Variants in UNC80 observed in about 807,000 individuals in gnomAD.
UNC80 encodes the protein protein unc-80 homolog.
In UNC80, 164 loss-of-function variants were observed where a neutral mutation model predicts 384.6. The observed-to-expected ratio is 0.43, with a 90% CI of 0.38 to 0.49. The LOEUF (loss-of-function observed/expected upper bound fraction) is 0.49, where lower values mean the gene tolerates loss of function less well. Among genes scored for constraint, UNC80 ranks in the 20% least tolerant of loss-of-function variants. The probability of loss-of-function intolerance (pLI) is 0.00; values close to 1 mark genes in which losing one functional copy is unlikely to be tolerated. For synonymous variants in UNC80, 1,486 were observed against 1,527.8 expected (o/e 0.97, Z 0.64); for missense variants, 3,330 against 4,143.0 (o/e 0.80, Z 5.39).
intron 44 of UNC80, 130 bp from the exon 45 acceptor site, chr2:209,943,250 A>G: frequency 8.4e-7 from 1 of 1,183,742 alleles, no homozygotes; most frequent in Non-Finnish European, 1.2e-6. Context: ...ATGCCATTTT[A>G]CATTCCTCTC....
chr2:209,808,963 G>A (rs996631523), intron 7 of UNC80: 1 of 309,458 alleles, frequency 3.2e-6, no homozygotes. Flanking sequence ...CATCTGGGAC[G>A]CCTTCCTGGC....
At position 209,815,356 on chromosome 2, in the gene UNC80, C is replaced by A. The variant is rs781388030; in HGVS notation, c.1300C>A (p.Leu434Ile). The A allele has an allele frequency of 1.9e-6, 3 of 1,551,690 alleles. No homozygotes were observed. In the South Asian group the frequency reaches 3.6e-5, roughly 18 times the overall value. The change falls in exon 9 of 65, where the codon CTT (leucine) becomes ATT (isoleucine). Residue 434 changes from leucine (L) to isoleucine (I), a missense_variant. By Grantham distance (5) the Leu-to-Ile change is conservative (BLOSUM62 2). Coordinates refer to ENST00000673920, the MANE Select transcript of UNC80 (RefSeq NM_001371986.1). ...TNLRRSAVPDLSSDLGMNIFK... is the reference protein window; with the variant it reads ...TNLRRSAVPDISSDLGMNIFK... Reference sequence around the variant, plus strand: ...TCTGCGTAGATCTGCAGTCCCAGATCTTTCTTCAGACCTGGGCATGAATAT... The same window carrying A: ...TCTGCGTAGATCTGCAGTCCCAGATATTTCTTCAGACCTGGGCATGAATAT...
chr2:209,959,130 A>T lies in UNC80; in HGVS notation c.7562A>T (p.Gln2521Leu). Residue 2521 changes from glutamine to leucine, a missense_variant, in exon 50 of 65, where the codon CAA becomes CTA. Gln to Leu is a moderately radical substitution (Grantham distance 113). Around this residue, in one of 8 missense-constraint regions of UNC80, gnomAD observed 1,049 missense variants for 1,488.6 expected, o/e 0.70. Coordinates refer to ENST00000673920, the MANE Select transcript of UNC80 (RefSeq NM_001371986.1). ...TTTCTGACTCCCAGGTACCAGGAAC[A>T]AGGAGCCAAACTGCACTTTATCAGG... Reference protein sequence around the residue: ...SSGVNTRYQEQGAKLHFIREN... With the variant: ...SSGVNTRYQELGAKLHFIREN... 6.4e-7 allele frequency: 1 copy of T among 1,552,150 alleles called. No homozygotes were observed. The highest frequency in any genetic ancestry group is 8.7e-7 in the Non-Finnish European group (1 of 1,147,012).
At chr2:209,940,437 T>C (rs540154700) in intron 43 of UNC80, among the ~76,000 whole-genome samples, 2 of 152,358 alleles carry the variant, frequency 1.3e-5, no homozygotes, top group African/African-American at 4.8e-5. Context: ...AGACCCACTT[T>C]GGAGCCTCGC....
intron 21 of UNC80, among the ~76,000 whole-genome samples, chr2:209,844,239 A>G (rs527521209): frequency 1.7e-4 from 26 of 152,314 alleles, no homozygotes; most frequent in Non-Finnish European, 3.1e-4. Flanking sequence ...TGTCATGCTA[A>G]CTGGATGTCA....
intron 48 of UNC80, among the ~76,000 whole-genome samples, chr2:209,955,770 G>C (rs2092391854): frequency 2.3e-5 from 3 of 128,954 alleles, no homozygotes; most frequent in Non-Finnish European, 3.2e-5. Flanking sequence ...GAGAGAGACT[G>C]ACTCACTCTG....
chr2:209,886,214 G>A (rs2085792365), intron 25 of UNC80, among the ~76,000 whole-genome samples: 1 of 151,358 alleles, frequency 6.6e-6, no homozygotes, highest in African/African-American at 2.4e-5. Flanking sequence ...GAAAAATACA[G>A]TATAAAAATA....
intron 13 of UNC80, among the ~76,000 whole-genome samples, chr2:209,822,140 G>C (rs2080179175): frequency 6.6e-6 from 1 of 151,984 alleles, no homozygotes; most frequent in East Asian, 1.9e-4. Flanking sequence ...AAATATCCTT[G>C]CTCCGATAAT....
At chr2:209,955,738 T>TATAC (rs1437539911) in intron 48 of UNC80, among the ~76,000 whole-genome samples, 182 of 53,428 alleles carry the variant, frequency 3.4e-3, no homozygotes, top group Admixed American at 8.8e-3. Flanking sequence ...TATATATATA[T>TATAC]ACACACACAC....
chr2:209,976,197 T>C lies in UNC80; in HGVS notation c.8666T>C (p.Met2889Thr). 6.4e-7 allele frequency: 1 copy of C among 1,551,660 alleles called. No individual in the cohort carries two copies. Among genetic ancestry groups the C allele is most frequent in the Non-Finnish European group, 8.7e-7 (1 of 1,146,984 alleles). Residue 2889 changes from methionine (M) to threonine (T), a missense_variant, in exon 57 of 65, where the codon ATG becomes ACG. Met to Thr is a moderately conservative substitution (Grantham distance 81). Around this residue, in one of 8 missense-constraint regions of UNC80, gnomAD observed 1,049 missense variants for 1,488.6 expected, o/e 0.70. Coordinates refer to ENST00000673920, the MANE Select transcript of UNC80 (RefSeq NM_001371986.1). The surrounding 1 kb of genome is among the most constrained non-coding windows in gnomAD (Gnocchi z 4.3). ...WYWLSLQVKE[M>T]ALRKVGGLAL... is the part of the protein sequence containing the mutation. ...TGGCTGAGCCTCCAGGTGAAGGAGA[T>C]GGCTCTGCGGAAGGTGGGAGGCCTG...
intron 6 of UNC80, among the ~76,000 whole-genome samples, chr2:209,791,106 C>T (rs923146892): frequency 6.6e-6 from 1 of 152,100 alleles, no homozygotes; most frequent in Non-Finnish European, 1.5e-5. Context: ...TTGTTTATGA[C>T]CACTACTATC....
intron 22 of UNC80, among the ~76,000 whole-genome samples, chr2:209,867,194 T>G (rs1051990331): frequency 1.3e-5 from 2 of 152,334 alleles, no homozygotes; most frequent in Admixed American, 6.5e-5. Context: ...ATGTGAGAAA[T>G]GCAAATTTCC....
Position 209,800,447 on chromosome 2 carries a change from C to T in UNC80, c.938+6588C>T, listed in dbSNP as rs182708129. ...TACTGTGTCTATTTGATTCTTCTCT[C>T]TCTTCTTTATTAGTCTAGCTAGTGG... On this transcript the variant is annotated intron_variant, in intron 7 of 64. Coordinates refer to ENST00000673920, the MANE Select transcript of UNC80 (RefSeq NM_001371986.1). 1.3e-4 allele frequency among the ~76,000 whole-genome samples: 20 copies of T among 148,994 alleles called. No homozygotes were observed. In the East Asian group the frequency reaches 3.9e-3, roughly 29 times the overall value.
rs2077977675 is a variant in UNC80 at position 209,793,713 on chromosome 2, C to G, written c.799-7C>G. On this transcript the variant is annotated splice_region_variant and splice_polypyrimidine_tract_variant and intron_variant, in intron 6 of 64. Coordinates refer to ENST00000673920, the MANE Select transcript of UNC80 (RefSeq NM_001371986.1). ...AAAACCTAATCTGCTATCTCTGCCT[C>G]CAAAAGGGACTCCAGGTGGTTTGTG... 6.2e-7 allele frequency: 1 copy of G among 1,613,386 alleles called. No individual in the cohort carries two copies. Among genetic ancestry groups the G allele is most frequent in the East Asian group, 2.2e-5 (1 of 44,864 alleles).
intron 29 of UNC80, among the ~76,000 whole-genome samples, chr2:209,905,429 G>A (rs2088069220): frequency 6.6e-6 from 1 of 152,110 alleles, no homozygotes; most frequent in Non-Finnish European, 1.5e-5. Context: ...GCCAGAGAAG[G>A]AAATGTCTTG....
intron 22 of UNC80, among the ~76,000 whole-genome samples, chr2:209,856,947 GC>G (rs1382959588): frequency 6.6e-6 from 1 of 151,912 alleles, no homozygotes; most frequent in Non-Finnish European, 1.5e-5. Flanking sequence ...CCGCCACCAT[GC>G]CTGGCTAAGT....
chr2:209,964,331 T>C (rs1322248266), intron 51 of UNC80, among the ~76,000 whole-genome samples: 2 of 152,282 alleles, frequency 1.3e-5, no homozygotes, highest in South Asian at 4.1e-4. Context: ...ATACACCACC[T>C]GCTAAGTACT....
At chr2:209,922,461 C>A in intron 35 of UNC80, 78 bp downstream of exon 35, 8 of 1,412,322 alleles carry the variant, frequency 5.7e-6, no homozygotes, top group Non-Finnish European at 7.6e-6. Context: ...CATGATCTCA[C>A]TTGATTACAT....
intron 4 of UNC80, among the ~76,000 whole-genome samples, chr2:209,782,101 A>G (rs1293378718): frequency 6.6e-6 from 1 of 152,174 alleles, no homozygotes; most frequent in African/African-American, 2.4e-5. Context: ...GCCACTTTCT[A>G]ACTAGATTCA....
Sources: gnomAD v4.1 joint callset for allele counts (sites outside exome capture counted in the v4.1 genomes callset) on GRCh38, gnomAD v4.1.1 for gene constraint, gnomAD v4.1.1 regional missense constraint, Gnocchi (gnomAD v3.1) non-coding constraint, MANE v1.5 for transcripts, NCBI Gene and HGNC (gene_info 2026-07-23, HGNC 2026-07-21) for gene names.